The following KIF26B variants were observed in gnomAD, a reference collection of about 807,000 sequenced individuals.
The protein encoded by KIF26B is kinesin-like protein KIF26B.
A neutral mutation model predicts 151.2 loss-of-function variants in KIF26B; 63 were observed. The observed-to-expected ratio is 0.42, with a 90% CI of 0.34 to 0.51. KIF26B has a LOEUF of 0.51. Ranked by LOEUF, KIF26B falls within the 20% of genes least tolerant of loss-of-function variation. The pLI is 0.07. For synonymous variants in KIF26B, 1,357 were observed against 1,262.1 expected, an observed-to-expected ratio of 1.08 and a Z score of -1.59; for missense variants, 2,813 against 2,913.6, an observed-to-expected ratio of 0.97 and a Z score of 0.79.
Position 245,367,178 on chromosome 1 carries a change from C to G in KIF26B, c.810C>G (p.Ser270Arg). Residue 270 changes from serine (S) to arginine (R), a missense_variant, in exon 3 of 15, where the codon AGC (serine) becomes AGG (arginine). Ser to Arg is a moderately radical substitution (Grantham distance 110). Around this residue, in one of 3 missense-constraint regions of KIF26B, gnomAD observed 676 missense variants for 688.1 expected, o/e 0.98. Transcript: ENST00000407071. The surrounding 1 kb of genome is among the most constrained non-coding windows in gnomAD (Gnocchi z 4.2). Reference protein sequence around the residue: ...FANKHGSKPSSLGVSNGAEKK... With the variant: ...FANKHGSKPSRLGVSNGAEKK... ...ACAAGCACGGCAGCAAACCCAGCAG[C>G]CTTGGGGTCAGCAATGGGGCGGAAA... is the stretch of plus-strand genomic sequence containing the variant. The G allele has an allele frequency of 6.2e-7, 1 of 1,607,738 alleles. No homozygotes were observed. Among genetic ancestry groups the G allele is most frequent in the Non-Finnish European group, 8.5e-7 (1 of 1,177,212 alleles).
At chr1:245,163,798 A>C (rs887693022) in intron 2 of KIF26B, among the ~76,000 whole-genome samples, 1 of 151,988 alleles carries the variant, frequency 6.6e-6, no homozygotes, top group Non-Finnish European at 1.5e-5. Context: ...ATCTCTTTTA[A>C]TTGATAATTA....
rs530122764 is a variant in KIF26B, at chr1:245,698,011, C to T, written c.5825-95C>T. 126 of 1,187,468 alleles carry T rather than the reference C, an allele frequency of 1.1e-4. No homozygotes were observed. The African/African-American group carries it at 1.8e-3, about 17-fold the overall frequency. 73.6% of individuals were successfully genotyped at this position (1,187,468 alleles called of 1,614,324 possible). ...AGCTATGGATCGCACCACTGCACTC[C>T]AGCCTGGGCAACAGAGCAAGACCCT... On this transcript the variant is annotated intron_variant, in intron 12 of 14. Coordinates refer to ENST00000407071, the MANE Select transcript of KIF26B (RefSeq NM_018012.4). This position sits in a 1 kb window ranked among gnomAD's most constrained non-coding sequence, Gnocchi z 4.0.
At chr1:245,701,552 ACT>A (rs1471180994) in intron 14 of KIF26B, among the ~76,000 whole-genome samples, 2 of 152,040 alleles carry the variant, frequency 1.3e-5, no homozygotes, top group Non-Finnish European at 2.9e-5. Context: ...GAAAGAAGAC[ACT>A]CTGCAGACAG....
chr1:245,519,240 A>G (rs191122893), intron 4 of KIF26B, among the ~76,000 whole-genome samples: 3 of 152,224 alleles, frequency 2.0e-5, no homozygotes, highest in East Asian at 1.9e-4. Flanking sequence ...TCCAACAGAG[A>G]AAAAAGGTTA....
chr1:245,202,898 A>G (rs968366039), intron 2 of KIF26B, among the ~76,000 whole-genome samples: 3 of 150,052 alleles, frequency 2.0e-5, no homozygotes, highest in East Asian at 2.0e-4. Flanking sequence ...CCGAGATCCC[A>G]CTACTGCACT....
Position 245,155,358 on chromosome 1 carries a change from G to T in KIF26B, c.-67G>T. 7.5e-7 allele frequency: 1 copy of T among 1,340,710 alleles called. No homozygotes were observed. The highest frequency in any genetic ancestry group is 1.3e-5 in the South Asian group (1 of 79,910). 83.1% of individuals were successfully genotyped at this position (1,340,710 alleles called of 1,614,324 possible). A position where few individuals can be genotyped will look rare whatever the true frequency, so the allele number is the denominator to read the frequency against. On this transcript the variant is annotated 5_prime_UTR_variant, in exon 1 of 15. Coordinates refer to ENST00000407071, the MANE Select transcript of KIF26B (RefSeq NM_018012.4). ...CCCCCTGCAGCCGGGGGACGCTTCT[G>T]GGTTGGAGGACCTTCTGGATGTAGC...
At position 245,367,037 on chromosome 1, in the gene KIF26B, G is replaced by A. The variant is rs768194265; in HGVS notation, c.669G>A (p.Pro223=). 8.7e-6 allele frequency: 14 copies of A among 1,610,294 alleles called. No individual in the cohort carries two copies. The highest frequency in any genetic ancestry group is 5.3e-5 in the African/African-American group (4 of 74,838). The change falls in exon 3 of 15, where the codon CCG becomes CCA. Residue 223 remains proline (P), a synonymous_variant. Transcript: ENST00000407071. This position sits in a 1 kb window ranked among gnomAD's most constrained non-coding sequence, Gnocchi z 4.2. ...ACGCCTCGCCCTGCTCCCCGCCACCGCTCTCCAACATCCCCACCCTGGTGG... is the reference window on the plus strand; with the variant it reads ...ACGCCTCGCCCTGCTCCCCGCCACCACTCTCCAACATCCCCACCCTGGTGG... ...HYDASPCSPP[P]LSNIPTLVGS...
At chr1:245,630,769 T>A (rs148591431) in intron 9 of KIF26B, among the ~76,000 whole-genome samples, 7 of 151,792 alleles carry the variant, frequency 4.6e-5, no homozygotes, top group African/African-American at 4.8e-5. Context: ...ATAAATAATA[T>A]TAACTCTTCT....
chr1:245,464,081 A>G (rs1171425560), intron 4 of KIF26B, among the ~76,000 whole-genome samples: 1 of 152,132 alleles, frequency 6.6e-6, no homozygotes, highest in African/African-American at 2.4e-5. Context: ...CTTTCTTCAA[A>G]CTTCTACCAG....
intron 2 of KIF26B, among the ~76,000 whole-genome samples, chr1:245,219,579 A>T (rs765243081): frequency 4.6e-5 from 7 of 151,970 alleles, no homozygotes; most frequent in Admixed American, 1.3e-4. Context: ...CAAAAAATAC[A>T]AAAAATTAGC....
intron 12 of KIF26B, among the ~76,000 whole-genome samples, chr1:245,693,853 C>T (rs924912835): frequency 7.9e-5 from 12 of 152,196 alleles, no homozygotes; most frequent in Admixed American, 2.6e-4. Context: ...GAAGGCAAGC[C>T]GCTTGCTGTC....
At chr1:245,669,596 C>G (rs1285828754) in intron 10 of KIF26B, among the ~76,000 whole-genome samples, 1 of 152,158 alleles carries the variant, frequency 6.6e-6, no homozygotes, top group Non-Finnish European at 1.5e-5. Context: ...TCATTAGTTG[C>G]TAGAGAAATG....
intron 10 of KIF26B, among the ~76,000 whole-genome samples, chr1:245,681,101 TAATG>T (rs1342292007): frequency 6.6e-6 from 1 of 152,024 alleles, no homozygotes; most frequent in Non-Finnish European, 1.5e-5. Flanking sequence ...GGTCTAGTGT[TAATG>T]AATCAAGAAT....
intron 10 of KIF26B, among the ~76,000 whole-genome samples, chr1:245,679,603 G>T (rs149460200): frequency 8.9e-4 from 135 of 151,346 alleles, no homozygotes; most frequent in African/African-American, 3.1e-3. Context: ...TGAGAAGCTG[G>T]GATTATAGGC....
chr1:245,410,632 T>A (rs1338909941), intron 3 of KIF26B, among the ~76,000 whole-genome samples: 1 of 152,150 alleles, frequency 6.6e-6, no homozygotes, highest in African/African-American at 2.4e-5. Flanking sequence ...GTATTTTTGG[T>A]AGAGACAGGG....
intron 2 of KIF26B, among the ~76,000 whole-genome samples, chr1:245,323,941 T>G (rs559641003): frequency 8.8e-4 from 114 of 129,506 alleles, no homozygotes; most frequent in African/African-American, 2.6e-3. Flanking sequence ...GGTAGACCCT[T>G]ATGTGGGTGG....
chr1:245,647,424 CA>C (rs372008159), intron 10 of KIF26B, among the ~76,000 whole-genome samples: 6 of 96,534 alleles, frequency 6.2e-5, no homozygotes, highest in Admixed American at 1.3e-4. Flanking sequence ...GACTCCTTCT[CA>C]AAAAAAAAAA....
At chr1:245,380,766 C>T (rs1229072072) in intron 3 of KIF26B, among the ~76,000 whole-genome samples, 1 of 151,976 alleles carries the variant, frequency 6.6e-6, no homozygotes, top group Non-Finnish European at 1.5e-5. Context: ...GGAGGGTTAC[C>T]CACCGCACAC....
intron 4 of KIF26B, among the ~76,000 whole-genome samples, chr1:245,467,582 T>C (rs921707685): frequency 6.6e-6 from 1 of 152,158 alleles, no homozygotes; most frequent in Admixed American, 6.6e-5. Flanking sequence ...CAGTCTGATA[T>C]TTTAATTAGT....
Sources: gnomAD v4.1 joint callset for allele counts (sites outside exome capture counted in the v4.1 genomes callset) on GRCh38, gnomAD v4.1.1 for gene constraint, gnomAD v4.1.1 regional missense constraint, Gnocchi (gnomAD v3.1) non-coding constraint, MANE v1.5 for transcripts, NCBI Gene and HGNC (gene_info 2026-07-23, HGNC 2026-07-21) for gene names.